Variants in TRAF5 observed in about 807,000 individuals in gnomAD.
The protein encoded by TRAF5 is TNF receptor-associated factor 5.
Under a neutral mutation model 64.5 loss-of-function variants are expected in TRAF5, and 48 were observed. The ratio of observed to expected loss-of-function variants is 0.74; its 90% CI spans 0.59 to 0.95. The LOEUF is 0.95. Among genes scored for constraint, TRAF5 ranks in the 40% least tolerant of loss-of-function variants. The pLI is 0.00. For synonymous variants in TRAF5, 206 were observed against 240.5 expected, an observed-to-expected ratio of 0.86 and a Z score of 1.33; for missense variants, 545 against 662.8, an observed-to-expected ratio of 0.82 and a Z score of 1.95.
At chr1:211,347,150 G>C (rs1161635699) in intron 1 of TRAF5, among the ~76,000 whole-genome samples, 2 of 152,068 alleles carry the variant, frequency 1.3e-5, no homozygotes, top group Non-Finnish European at 2.9e-5. Context: ...TACGTAAGCT[G>C]TTATACACAG....
chr1:211,371,281 T>C (rs754582936), intron 9 of TRAF5, 21 bp from the exon 10 acceptor site: 2 of 1,563,026 alleles, frequency 1.3e-6, no homozygotes, highest in Admixed American at 4.5e-5. Context: ...TTAAACATGA[T>C]TATCCATTTT....
At chr1:211,334,314 A>G (rs1392580573) in intron 1 of TRAF5, among the ~76,000 whole-genome samples, 2 of 152,206 alleles carry the variant, frequency 1.3e-5, no homozygotes, top group Non-Finnish European at 2.9e-5. Context: ...AGATACCTTC[A>G]TCTAGCACAT....
At chr1:211,330,387 C>A (rs1399358335) in intron 1 of TRAF5, among the ~76,000 whole-genome samples, 2 of 148,964 alleles carry the variant, frequency 1.3e-5, no homozygotes, top group Non-Finnish European at 3.0e-5. Flanking sequence ...TTTTTTCTCT[C>A]AAGGAGAAAG....
At chr1:211,351,031 CTTTTTTTTTT>C (rs11426853) in intron 1 of TRAF5, among the ~76,000 whole-genome samples, 2 of 116,038 alleles carry the variant, frequency 1.7e-5, no homozygotes, top group African/African-American at 6.7e-5. Context: ...CTGGCCTCTT[CTTTTTTTTTT>C]TTTTTTTTTG....
At chr1:211,368,145 G>A (rs1160975205) in intron 8 of TRAF5, among the ~76,000 whole-genome samples, 1 of 152,102 alleles carries the variant, frequency 6.6e-6, no homozygotes, top group Non-Finnish European at 1.5e-5. Flanking sequence ...CAAAATAGGA[G>A]TTGTGTGGTC....
rs764145908 is a variant in TRAF5, at chr1:211,355,612, TC to T, written c.277-753del. On this transcript the variant is annotated intron_variant, in intron 3 of 10. Transcript: ENST00000261464. ...CATTTAGTGTCTGTCTGACCTACTA[TC>T]CAGGGGTTGGCATACTACAGTCTTG... Among the ~76,000 whole-genome samples, 14 of 152,194 alleles carry T rather than the reference TC, an allele frequency of 9.2e-5. 1 individual carries two copies. In the East Asian group the frequency reaches 9.6e-4, roughly 10 times the overall value.
At chr1:211,352,357 ACCTCCCACTGGGTC>A (rs540786624) in intron 1 of TRAF5, among the ~76,000 whole-genome samples, 31 of 140,226 alleles carry the variant, frequency 2.2e-4, no homozygotes, top group African/African-American at 7.1e-4. Flanking sequence ...TGATTATATT[ACCTCCCACTGGGTC>A]CCTCCCACAA....
At chr1:211,353,826 G>T (rs530667062) in intron 2 of TRAF5, among the ~76,000 whole-genome samples, 6 of 152,158 alleles carry the variant, frequency 3.9e-5, no homozygotes, top group African/African-American at 1.2e-4. Flanking sequence ...GCACCTAGAA[G>T]GGACCTTGCT....
At chr1:211,328,926 C>T (rs943505113) in intron 1 of TRAF5, among the ~76,000 whole-genome samples, 1 of 152,166 alleles carries the variant, frequency 6.6e-6, no homozygotes, top group Non-Finnish European at 1.5e-5. Flanking sequence ...GCTCCCTGAG[C>T]TCCACTGCTG....
At chr1:211,348,511 A>G (rs545391667) in intron 1 of TRAF5, among the ~76,000 whole-genome samples, 1 of 152,146 alleles carries the variant, frequency 6.6e-6, no homozygotes, top group South Asian at 2.1e-4. Context: ...TCTTTCTTTC[A>G]CGGATTGTGC....
chr1:211,374,551 T>C lies in TRAF5; in HGVS notation c.*1849T>C, dbSNP rs1300297868. ...AAATAGGTTCACAACAGGAATATAC[T>C]GAAGAACTAGAGTGTCACTGCTGGT... On this transcript the variant is annotated 3_prime_UTR_variant, in exon 11 of 11. Coordinates refer to ENST00000261464, the MANE Select transcript of TRAF5 (RefSeq NM_001033910.3). The C allele has an allele frequency of 6.6e-6, 1 of 152,220 alleles. No homozygotes were observed. Among genetic ancestry groups the C allele is most frequent in the Non-Finnish European group, 1.5e-5 (1 of 68,040 alleles). 9.4% of individuals were successfully genotyped at this position (152,220 alleles called of 1,614,324 possible).
In TRAF5 at chr1:211,353,364, G is replaced by A. The variant is rs772586295; in HGVS notation, c.125G>A (p.Arg42His). ...CAGTTTGTGGAGCGGTTGGAAGAGC[G>A]CTACAAATGTGCCTTCTGCCACTCG... ...EYQFVERLEE[R>H]YKCAFCHSVL... The change falls in exon 2 of 11, where the codon CGC becomes CAC. Residue 42 changes from arginine (R) to histidine (H), a missense_variant. Transcript: ENST00000261464. 3.7e-5 allele frequency: 59 copies of A among 1,614,024 alleles called. No individual in the cohort carries two copies. Among genetic ancestry groups the A allele is most frequent in the Middle Eastern group, 3.3e-4 (2 of 6,084 alleles).
chr1:211,340,246 C>A (rs1306510206), intron 1 of TRAF5, among the ~76,000 whole-genome samples: 1 of 152,112 alleles, frequency 6.6e-6, no homozygotes, highest in Non-Finnish European at 1.5e-5. Context: ...GCCCCTGGAG[C>A]CTCATTCACT....
Position 211,354,434 on chromosome 1 carries a change from C to T in TRAF5, c.243C>T (p.Cys81=), listed in dbSNP as rs1359259533. The change falls in exon 3 of 11, where the codon TGC becomes TGT. Residue 81 remains cysteine (C), a synonymous_variant. Coordinates refer to ENST00000261464, the MANE Select transcript of TRAF5 (RefSeq NM_001033910.3). ...GAGAATTAAACACAGTGCCAATCTG[C>T]CCTGTAGATAAAGAGGTCATCAAAT... ...SLRELNTVPI[C]PVDKEVIKSQ... The T allele has an allele frequency of 6.2e-7, 1 of 1,614,120 alleles. No individual in the cohort carries two copies. The highest frequency in any genetic ancestry group is 2.2e-5 in the East Asian group (1 of 44,870).
At chr1:211,336,847 A>G (rs560351994) in intron 1 of TRAF5, among the ~76,000 whole-genome samples, 1 of 152,294 alleles carries the variant, frequency 6.6e-6, no homozygotes, top group South Asian at 2.1e-4. Flanking sequence ...TTTGGTAGAG[A>G]CGGGTTTCAC....
chr1:211,341,099 C>T (rs184866804), intron 1 of TRAF5, among the ~76,000 whole-genome samples: 120 of 152,312 alleles, frequency 7.9e-4, no homozygotes, highest in Non-Finnish European at 1.1e-3. Context: ...GCAGTGGGCA[C>T]ACCCACCCCC....
upstream of TRAF5, chr1:211,326,754 C>T (rs1209113808): frequency 5.1e-6 from 5 of 985,148 alleles, no homozygotes; most frequent in Non-Finnish European, 6.0e-6. This position sits in a 1 kb window ranked among gnomAD's most constrained non-coding sequence, Gnocchi z 5.0. Flanking sequence ...TTCCCCTGCG[C>T]CCGCCCGCGC....
At chr1:211,339,882 G>A (rs1702401800) in intron 1 of TRAF5, among the ~76,000 whole-genome samples, 1 of 152,246 alleles carries the variant, frequency 6.6e-6, no homozygotes, top group Non-Finnish European at 1.5e-5. Context: ...GCTCTGGGTA[G>A]TAGGCAGCTG....
chr1:211,351,917 T>G (rs923353908), intron 1 of TRAF5, among the ~76,000 whole-genome samples: 2 of 152,198 alleles, frequency 1.3e-5, no homozygotes, highest in African/African-American at 4.8e-5. Flanking sequence ...AGCTTTGTTC[T>G]TCTCCTTCAA....
Sources: gnomAD v4.1 joint callset for allele counts (sites outside exome capture counted in the v4.1 genomes callset) on GRCh38, gnomAD v4.1.1 for gene constraint, Gnocchi (gnomAD v3.1) non-coding constraint, MANE v1.5 for transcripts, NCBI Gene and HGNC (gene_info 2026-07-23, HGNC 2026-07-21) for gene names.